The following PPP4R4 variants were observed in gnomAD, a reference collection of about 807,000 sequenced individuals.
The protein encoded by PPP4R4 is serine/threonine-protein phosphatase 4 regulatory subunit 4.
PPP4R4 carries 70 observed loss-of-function variants against 121.8 expected under a neutral mutation model. The observed-to-expected ratio is 0.57, with a 90% confidence interval of 0.47 to 0.70. The LOEUF is 0.70. Ranked by LOEUF, PPP4R4 falls within the 30% of genes least tolerant of loss-of-function variation. The probability of loss-of-function intolerance (pLI) is 0.00; values close to 1 mark genes in which losing one functional copy is unlikely to be tolerated. For synonymous variants in PPP4R4, 348 were observed against 355.7 expected (o/e 0.98, Z 0.24); for missense variants, 875 against 1,033.6 (o/e 0.85, Z 2.10).
chr14:94,269,658 A>G (rs1025082779), intron 23 of PPP4R4, among the ~76,000 whole-genome samples: 1 of 145,142 alleles, frequency 6.9e-6, no homozygotes, highest in Non-Finnish European at 1.5e-5. Context: ...CCATCTCCAG[A>G]AAAAAAAAAA....
intron 19 of PPP4R4, 87 bp from the exon 20 acceptor site, chr14:94,264,791 T>C (rs1893952204): frequency 9.9e-7 from 1 of 1,006,028 alleles, no homozygotes; most frequent in East Asian, 2.5e-5. Flanking sequence ...TGAACTTTAC[T>C]TGAATCTCTA....
At chr14:94,225,425 C>T (rs185752217) in intron 3 of PPP4R4, among the ~76,000 whole-genome samples, 6 of 151,370 alleles carry the variant, frequency 4.0e-5, no homozygotes, top group East Asian at 2.0e-4. Context: ...GACAGCCTTG[C>T]GGAGTCCCTG....
intron 5 of PPP4R4, 58 bp from the exon 6 acceptor site, chr14:94,233,595 A>G: frequency 1.9e-6 from 2 of 1,049,680 alleles, no homozygotes; most frequent in Admixed American, 2.1e-5. Context: ...AATAGCTGAC[A>G]TGAGTGGCAT....
chr14:94,243,006 T>C (rs1380206227), intron 11 of PPP4R4, among the ~76,000 whole-genome samples: 1 of 152,124 alleles, frequency 6.6e-6, no homozygotes, highest in Non-Finnish European at 1.5e-5. Context: ...GCTATAACTT[T>C]CAACTTCAAA....
intron 8 of PPP4R4, among the ~76,000 whole-genome samples, chr14:94,239,355 C>T (rs1260899603): frequency 8.2e-5 from 10 of 122,518 alleles, no homozygotes; most frequent in Non-Finnish European, 1.7e-4. Flanking sequence ...CCCCTCCCCC[C>T]ACCCCACGAC....
chr14:94,262,338 A>G (rs1478295774), intron 19 of PPP4R4, among the ~76,000 whole-genome samples: 1 of 151,990 alleles, frequency 6.6e-6, no homozygotes, highest in Non-Finnish European at 1.5e-5. Context: ...GCATGAAGTT[A>G]TTTATAATAT....
chr14:94,213,624 G>A lies in PPP4R4; in HGVS notation c.294+5058G>A, dbSNP rs544608996. On this transcript the variant is annotated intron_variant, in intron 3 of 24. Transcript: ENST00000304338. Reference sequence around the variant, plus strand: ...CATGTGTCCTTATAAGAAGGCAGACGAGAGTTGACGTATACATGTAGAAGA... The same window carrying A: ...CATGTGTCCTTATAAGAAGGCAGACAAGAGTTGACGTATACATGTAGAAGA... Among the ~76,000 whole-genome samples, 10 of 152,310 alleles carry A rather than the reference G, an allele frequency of 6.6e-5. No homozygotes were observed. In the South Asian group the frequency reaches 1.0e-3, roughly 16 times the overall value.
At chr14:94,208,371 CAGT>C in intron 2 of PPP4R4, 90 bp from the exon 3 acceptor site, 1 of 810,870 alleles carries the variant, frequency 1.2e-6, no homozygotes, top group Non-Finnish European at 1.8e-6. Flanking sequence ...ACATTCAAAG[CAGT>C]CATTTTTCCA....
Position 94,258,767 on chromosome 14 carries a change from A to G in PPP4R4, c.2011-16A>G, listed in dbSNP as rs1313768862. 8 of 1,539,800 alleles carry G rather than the reference A, an allele frequency of 5.2e-6. No homozygotes were observed. The highest frequency in any genetic ancestry group is 7.2e-6 in the Non-Finnish European group (8 of 1,118,120). ...ATTTAATTACTTTAGAATAATTTTA[A>G]AAACTTTCCTTATAGACTGTATTAG... On this transcript the variant is annotated splice_polypyrimidine_tract_variant and intron_variant, in intron 17 of 24. Transcript: ENST00000304338.
Position 94,246,542 on chromosome 14 carries a change from G to T in PPP4R4, c.1611+3G>T. 6.2e-7 allele frequency: 1 copy of T among 1,608,202 alleles called. No individual in the cohort carries two copies. Among genetic ancestry groups the T allele is most frequent in the Non-Finnish European group, 8.5e-7 (1 of 1,175,848 alleles). On this transcript the variant is annotated splice_donor_region_variant and intron_variant, in intron 14 of 24. Coordinates refer to ENST00000304338, the MANE Select transcript of PPP4R4 (RefSeq NM_058237.2). Reference sequence around the variant, plus strand: ...TGTTCACAATCATGATGACAAATGTGAGCTCAGTACCTTTCATCTTATTCT... The same window carrying T: ...TGTTCACAATCATGATGACAAATGTTAGCTCAGTACCTTTCATCTTATTCT...
chr14:94,250,882 CTT>C (rs1893145140), intron 15 of PPP4R4, among the ~76,000 whole-genome samples: 1 of 151,888 alleles, frequency 6.6e-6, no homozygotes. Context: ...CCCATAATGT[CTT>C]AATATTTTTA....
chr14:94,204,602 T>C (rs768403977), intron 2 of PPP4R4, among the ~76,000 whole-genome samples: 1 of 152,204 alleles, frequency 6.6e-6, no homozygotes, highest in African/African-American at 2.4e-5. Context: ...AGAAAAAATA[T>C]AATCTATGTC....
chr14:94,262,545 A>G (rs981903228), intron 19 of PPP4R4, among the ~76,000 whole-genome samples: 3 of 151,798 alleles, frequency 2.0e-5, no homozygotes, highest in African/African-American at 7.3e-5. Context: ...AAATCTCTTT[A>G]CCTCCTCCAC....
chr14:94,177,770 G>T (rs1888758029), intron 2 of PPP4R4, among the ~76,000 whole-genome samples: 1 of 152,160 alleles, frequency 6.6e-6, no homozygotes, highest in Non-Finnish European at 1.5e-5. Context: ...AAACTAGGTT[G>T]TCTGAGTTGT....
chr14:94,184,847 AT>A (rs1357551846), intron 2 of PPP4R4, among the ~76,000 whole-genome samples: 1 of 152,212 alleles, frequency 6.6e-6, no homozygotes, highest in East Asian at 1.9e-4. Context: ...CCAATCAGAA[AT>A]GTTAATAATG....
In PPP4R4 at chr14:94,231,292, C is replaced by T; in HGVS notation, c.493C>T (p.Pro165Ser). 1 of 1,611,216 alleles carries T rather than the reference C, an allele frequency of 6.2e-7. No homozygotes were observed. Among genetic ancestry groups the T allele is most frequent in the African/African-American group, 1.3e-5 (1 of 74,918 alleles). The change falls in exon 5 of 25, where the codon CCA becomes TCA. Residue 165 changes from proline (P) to serine (S), a missense_variant. Transcript: ENST00000304338. ...TCTTCTGTCTGTTATAGAAGTATTG[C>T]CAAAAGAAACCCTACGGCATGAGGT... ...ETLLSVIEVL[P>S]KETLRHEILN...
At chr14:94,251,552 T>C (rs1893179252) in intron 15 of PPP4R4, among the ~76,000 whole-genome samples, 197 bp from the exon 16 acceptor site, 1 of 152,076 alleles carries the variant, frequency 6.6e-6, no homozygotes, top group African/African-American at 2.4e-5. Context: ...AAAACTGTTT[T>C]ATGGTTTTTG....
chr14:94,208,206 C>T, intron 2 of PPP4R4, among the ~76,000 whole-genome samples: 1 of 151,920 alleles, frequency 6.6e-6, no homozygotes, highest in East Asian at 1.9e-4. Flanking sequence ...AGACTTAAGA[C>T]ATATAAAACA....
chr14:94,243,513 G>T (rs1239785810), intron 11 of PPP4R4, among the ~76,000 whole-genome samples: 1 of 152,016 alleles, frequency 6.6e-6, no homozygotes, highest in African/African-American at 2.4e-5. Context: ...CAGTATTTAT[G>T]CAATTTTAGA....
Sources: gnomAD v4.1 joint callset for allele counts (sites outside exome capture counted in the v4.1 genomes callset) on GRCh38, gnomAD v4.1.1 for gene constraint, MANE v1.5 for transcripts, NCBI Gene and HGNC (gene_info 2026-07-23, HGNC 2026-07-21) for gene names.